The following PLS1 variants were observed in gnomAD, a reference collection of about 807,000 sequenced individuals.
PLS1 encodes the protein plastin 1, also known as plastin-1.
In PLS1, 32 loss-of-function variants were observed where a neutral mutation model predicts 73.7. The observed-to-expected ratio is 0.43, with a 90% CI of 0.33 to 0.58. The LOEUF is 0.58. Ranked by LOEUF, PLS1 falls within the 20% of genes least tolerant of loss-of-function variation. The probability of loss-of-function intolerance (pLI) is 0.04; values close to 1 mark genes in which losing one functional copy is unlikely to be tolerated. For synonymous variants in PLS1, 217 were observed against 261.3 expected, an observed-to-expected ratio of 0.83 and a Z score of 1.63; for missense variants, 633 against 740.5, an observed-to-expected ratio of 0.85 and a Z score of 1.68.
At chr3:142,678,735 G>A (rs553936668) in intron 6 of PLS1, among the ~76,000 whole-genome samples, 22 of 151,712 alleles carry the variant, frequency 1.5e-4, no homozygotes, top group African/African-American at 4.6e-4. Context: ...ATAAACATAC[G>A]TGTGCATGTG....
At chr3:142,633,831 G>A (rs2036619509) in intron 1 of PLS1, among the ~76,000 whole-genome samples, 1 of 152,092 alleles carries the variant, frequency 6.6e-6, no homozygotes, top group Admixed American at 6.5e-5. Flanking sequence ...CAATGAAGCA[G>A]GAAAATATTA....
At chr3:142,700,956 T>C (rs1160807794) in intron 12 of PLS1, among the ~76,000 whole-genome samples, 1 of 152,244 alleles carries the variant, frequency 6.6e-6, no homozygotes, top group Non-Finnish European at 1.5e-5. Flanking sequence ...GCTGCCACCA[T>C]GTAAATAGTG....
intron 1 of PLS1, among the ~76,000 whole-genome samples, chr3:142,628,911 G>C (rs1334863287): frequency 6.6e-6 from 1 of 152,214 alleles, no homozygotes; most frequent in East Asian, 1.9e-4. Context: ...TTCAAAAGCT[G>C]TATAGAGTCA....
chr3:142,685,857 A>G (rs1421580590), intron 8 of PLS1, among the ~76,000 whole-genome samples: 1 of 152,230 alleles, frequency 6.6e-6, no homozygotes, highest in African/African-American at 2.4e-5. Flanking sequence ...AGACAATGAC[A>G]TTAGATGATT....
At position 142,612,370 on chromosome 3, in the gene PLS1, T is replaced by C. The variant is rs538390089; in HGVS notation, c.-37+15861T>C. Among the ~76,000 whole-genome samples the C allele has an allele frequency of 1.2e-3, 183 of 152,250 alleles. 1 individual carries two copies. The highest frequency in any genetic ancestry group is 3.9e-3 in the African/African-American group (161 of 41,482). ...TTGTAATACAGGTACATTGTATTTG[T>C]ATATAAGGTTTAGAGAATGCTCTGT... is the stretch of plus-strand genomic sequence containing the variant. On this transcript the variant is annotated intron_variant, in intron 1 of 15. Coordinates refer to ENST00000457734, the MANE Select transcript of PLS1 (RefSeq NM_001145319.2).
chr3:142,605,740 T>C (rs2036006440), intron 1 of PLS1, among the ~76,000 whole-genome samples: 1 of 152,250 alleles, frequency 6.6e-6, no homozygotes, highest in Non-Finnish European at 1.5e-5. Context: ...ATTTTATGGC[T>C]AACCCTCAAC....
chr3:142,635,740 G>A (rs1442901315), intron 1 of PLS1, among the ~76,000 whole-genome samples: 2 of 152,158 alleles, frequency 1.3e-5, no homozygotes, highest in Non-Finnish European at 2.9e-5. Flanking sequence ...TAGTAGAAAT[G>A]GACACCCTGA....
intron 1 of PLS1, among the ~76,000 whole-genome samples, chr3:142,651,434 C>T (rs1229741182): frequency 6.8e-6 from 1 of 146,150 alleles, no homozygotes; most frequent in Non-Finnish European, 1.5e-5. Flanking sequence ...TGCACTCCGG[C>T]CTGGATGACA....
intron 1 of PLS1, among the ~76,000 whole-genome samples, chr3:142,625,451 G>A (rs907282733): frequency 1.7e-4 from 26 of 152,046 alleles, no homozygotes; most frequent in African/African-American, 4.1e-4. Flanking sequence ...GTCAGAAGCC[G>A]CTAAATTCTT....
chr3:142,627,032 A>G (rs892003259), intron 1 of PLS1, among the ~76,000 whole-genome samples: 4 of 152,242 alleles, frequency 2.6e-5, no homozygotes, highest in Non-Finnish European at 5.9e-5. Context: ...GATTCTACTG[A>G]AAATATACAC....
chr3:142,704,445 A>G lies in PLS1; in HGVS notation c.1506-18A>G. The G allele has an allele frequency of 6.3e-7, 1 of 1,589,512 alleles. No homozygotes were observed. The highest frequency in any genetic ancestry group is 8.6e-7 in the Non-Finnish European group (1 of 1,165,924). On this transcript the variant is annotated intron_variant, in intron 13 of 15. Transcript: ENST00000457734. ...TTTCACCCTTTTCAGTCTCAAATAT[A>G]CATCTTTTCTGTTGCAGGTACACAT...
At chr3:142,659,884 G>A (rs923328716) in intron 1 of PLS1, among the ~76,000 whole-genome samples, 5 of 151,840 alleles carry the variant, frequency 3.3e-5, no homozygotes, top group East Asian at 3.9e-4. Flanking sequence ...CTTTAAGCAC[G>A]AATCATTTTA....
At chr3:142,632,616 T>C (rs1040667267) in intron 1 of PLS1, among the ~76,000 whole-genome samples, 2 of 148,478 alleles carry the variant, frequency 1.3e-5, no homozygotes, top group African/African-American at 5.0e-5. Flanking sequence ...TTTTTTCCCC[T>C]GAGACGGGGT....
intron 1 of PLS1, among the ~76,000 whole-genome samples, chr3:142,599,360 C>T (rs372939701): frequency 9.5e-5 from 13 of 136,898 alleles, no homozygotes; most frequent in East Asian, 2.2e-4. Context: ...GATGGAGTCT[C>T]GCTCTGTCGC....
intron 1 of PLS1, among the ~76,000 whole-genome samples, chr3:142,611,711 GCA>G (rs1408487942): frequency 9.2e-5 from 14 of 151,928 alleles, no homozygotes; most frequent in Admixed American, 8.5e-4. Context: ...ATACATAAGC[GCA>G]CACACATATT....
chr3:142,668,267 A>G (rs992548864), intron 2 of PLS1, among the ~76,000 whole-genome samples: 2 of 152,168 alleles, frequency 1.3e-5, no homozygotes, highest in African/African-American at 4.8e-5. Context: ...GCATCTCTCA[A>G]TGATGCCATG....
At chr3:142,711,807 T>C (rs1177835766) in intron 15 of PLS1, 65 bp from the exon 16 acceptor site, 57 of 1,536,136 alleles carry the variant, frequency 3.7e-5, no homozygotes, top group Non-Finnish European at 4.7e-5. Context: ...TTTCACTCTT[T>C]TGTTAAAATA....
intron 1 of PLS1, among the ~76,000 whole-genome samples, chr3:142,638,530 G>T (rs1282274926): frequency 1.3e-5 from 2 of 152,100 alleles, no homozygotes; most frequent in Admixed American, 1.3e-4. Flanking sequence ...CCTGGGAATG[G>T]TGTTTAGCAT....
chr3:142,596,749 G>A (rs2035823200), intron 1 of PLS1, among the ~76,000 whole-genome samples: 1 of 152,186 alleles, frequency 6.6e-6, no homozygotes, highest in Non-Finnish European at 1.5e-5. Context: ...TAAACAATAA[G>A]CCTGTTAACT....
Sources: allele counts gnomAD v4.1 joint callset (sites outside exome capture counted in the v4.1 genomes callset), GRCh38; gene constraint gnomAD v4.1.1; transcripts MANE v1.5; gene names NCBI Gene and HGNC (gene_info 2026-07-23, HGNC 2026-07-21).